The following CEP162 variants were observed in gnomAD, a reference collection of about 807,000 sequenced individuals.
CEP162 encodes the protein centrosomal protein 162.
In CEP162, 141 loss-of-function variants were observed where a neutral mutation model predicts 169.2. That is an observed-to-expected ratio of 0.83 (90% CI 0.73 to 0.96). The LOEUF is 0.96. Ranked by LOEUF, CEP162 falls within the 40% of genes least tolerant of loss-of-function variation. The pLI, the probability that CEP162 is intolerant of heterozygous loss-of-function variation, is 0.00. For missense variants in CEP162, 1,600 were observed against 1,587.2 expected (o/e 1.01, Z -0.14); for synonymous variants, 540 against 526.4 (o/e 1.03, Z -0.35).
In CEP162 at chr6:84,164,562, C is replaced by T. The variant is rs547844636; in HGVS notation, c.2386-1292G>A. On this transcript the variant is annotated intron_variant, in intron 18 of 26. Transcript: ENST00000403245. ...TCCTTTGCAGGGCCATGGATGAAGC[C>T]GGAAACCATCACTCTTAGCAAACTA... Among the ~76,000 whole-genome samples the T allele has an allele frequency of 1.3e-4, 20 of 152,176 alleles. No homozygotes were observed. The South Asian group carries it at 2.5e-3, about 19-fold the overall frequency.
At chr6:84,199,052 T>C (rs150790600) in intron 9 of CEP162, among the ~76,000 whole-genome samples, 3 of 152,386 alleles carry the variant, frequency 2.0e-5, no homozygotes, top group East Asian at 3.9e-4. Flanking sequence ...CTGGTCATCC[T>C]GAACACATGA....
chr6:84,193,701 G>T lies in CEP162; in HGVS notation c.1028-11C>A. 1 of 1,521,808 alleles carries T rather than the reference G, an allele frequency of 6.6e-7. No homozygotes were observed. Among genetic ancestry groups the T allele is most frequent in the Non-Finnish European group, 8.8e-7 (1 of 1,130,642 alleles). The allele number at this position is 1,521,808 out of a possible 1,614,324, so 94.3% of individuals were successfully genotyped here. On this transcript the variant is annotated splice_polypyrimidine_tract_variant and intron_variant, in intron 10 of 26. Coordinates refer to ENST00000403245, the MANE Select transcript of CEP162 (RefSeq NM_014895.4). ...CTACTGTGGGCAGATCTAAGAGGTG[G>T]AAAAAAAAGTAGAAACGAAAAATGT...
At chr6:84,225,646 A>C (rs1023204824) in intron 2 of CEP162, among the ~76,000 whole-genome samples, 1 of 152,210 alleles carries the variant, frequency 6.6e-6, no homozygotes, top group East Asian at 1.9e-4. Context: ...TAGAGTCATC[A>C]CATTACAGAC....
chr6:84,184,681 AG>A (rs954678013), intron 13 of CEP162, among the ~76,000 whole-genome samples: 3 of 151,966 alleles, frequency 2.0e-5, no homozygotes, highest in Non-Finnish European at 2.9e-5. Context: ...CAGGGGTCTC[AG>A]GCCTTGGCTT....
chr6:84,182,824 T>G (rs1314259977), intron 13 of CEP162, among the ~76,000 whole-genome samples: 1 of 152,158 alleles, frequency 6.6e-6, no homozygotes, highest in East Asian at 1.9e-4. Flanking sequence ...AAAGAAAAGA[T>G]GCCTTTAATT....
chr6:84,167,492 CCTG>C (rs1376452897), intron 18 of CEP162, among the ~76,000 whole-genome samples: 1 of 152,124 alleles, frequency 6.6e-6, no homozygotes, highest in African/African-American at 2.4e-5. Flanking sequence ...GCACCTCATG[CCTG>C]CTGATGGTGG....
At chr6:84,194,859 G>A (rs1239467304) in intron 10 of CEP162, 25 bp downstream of exon 10, 1 of 1,496,414 alleles carries the variant, frequency 6.7e-7, no homozygotes, top group East Asian at 2.3e-5. Context: ...TCAAATAATT[G>A]AAAAATTCAT....
At chr6:84,226,216 A>G (rs756707671) in intron 2 of CEP162, 121 bp downstream of exon 2, 3 of 689,490 alleles carry the variant, frequency 4.4e-6, no homozygotes, top group Non-Finnish European at 7.7e-6. Context: ...GGACAGGGCT[A>G]GAGGGATGAT....
intron 18 of CEP162, among the ~76,000 whole-genome samples, chr6:84,164,654 C>T (rs1421812376): frequency 6.6e-6 from 1 of 151,972 alleles, no homozygotes; most frequent in Non-Finnish European, 1.5e-5. Context: ...AATGAGAACA[C>T]ATGGACACAG....
rs150391335 is a variant in CEP162, at chr6:84,141,754, C to T, written c.3870+4933G>A. Among the ~76,000 whole-genome samples the T allele has an allele frequency of 3.0e-3, 457 of 152,306 alleles. 2 individuals are homozygous for T. Among genetic ancestry groups the T allele is most frequent in the African/African-American group, 0.01 (417 of 41,564 alleles). On this transcript the variant is annotated intron_variant, in intron 25 of 26. Transcript: ENST00000403245. The stretch of plus-strand genomic sequence containing the variant: ...CTGTCTCAGGGAACTGGCAGCCAGG[C>T]TGGCTTTGCTGTACCTACACTCCAC...
intron 25 of CEP162, among the ~76,000 whole-genome samples, chr6:84,145,987 G>A (rs1265181272): frequency 1.3e-5 from 2 of 152,020 alleles, no homozygotes; most frequent in Non-Finnish European, 2.9e-5. Flanking sequence ...TTTGATGAGA[G>A]CTCACCTGCA....
chr6:84,180,495 G>C (rs376749632), intron 13 of CEP162, among the ~76,000 whole-genome samples: 5 of 151,496 alleles, frequency 3.3e-5, no homozygotes, highest in Admixed American at 3.3e-4. Context: ...TTCTGGCCAG[G>C]GCAATCAGGC....
intron 18 of CEP162, among the ~76,000 whole-genome samples, chr6:84,164,909 C>T (rs1309687920): frequency 6.6e-6 from 1 of 152,084 alleles, no homozygotes; most frequent in Non-Finnish European, 1.5e-5. Context: ...CTGCTGGCTC[C>T]TTGCAGGGTT....
intron 2 of CEP162, among the ~76,000 whole-genome samples, chr6:84,225,044 G>T (rs1382709942): frequency 3.3e-5 from 5 of 152,114 alleles, no homozygotes; most frequent in Admixed American, 3.3e-4. Flanking sequence ...GACGGATAAT[G>T]AAGTTTTTTT....
chr6:84,170,046 T>G (rs1349461056), intron 17 of CEP162, among the ~76,000 whole-genome samples: 1 of 152,124 alleles, frequency 6.6e-6, no homozygotes. Flanking sequence ...AGATAAGATA[T>G]TTTAAAATAA....
At chr6:84,153,286 T>C (rs1309437731) in intron 22 of CEP162, 107 bp from the exon 23 acceptor site, 9 of 977,062 alleles carry the variant, frequency 9.2e-6, no homozygotes, top group South Asian at 1.9e-5. Context: ...CAGGTACTCA[T>C]TATACATTCT....
In CEP162 at chr6:84,203,967, AT is replaced by A; in HGVS notation, c.687+13del. ...AAGTTGCAAAACTGTCAAATATATA[AT>A]TGATATATATACCTGTTTGGGCACA... On this transcript the variant is annotated intron_variant, in intron 7 of 26. Coordinates refer to ENST00000403245, the MANE Select transcript of CEP162 (RefSeq NM_014895.4). 2 of 1,503,930 alleles carry A rather than the reference AT, an allele frequency of 1.3e-6. No homozygotes were observed. The highest frequency in any genetic ancestry group is 4.6e-5 in the East Asian group (2 of 43,680). The allele number at this position is 1,503,930 out of a possible 1,614,324, so 93.2% of individuals were successfully genotyped here. A position where few individuals can be genotyped will look rare whatever the true frequency, so the allele number is the denominator to read the frequency against.
chr6:84,135,498 G>T (rs1405585531), intron 25 of CEP162, among the ~76,000 whole-genome samples: 1 of 151,244 alleles, frequency 6.6e-6, no homozygotes, highest in Admixed American at 6.6e-5. Context: ...CTTACTTGTT[G>T]GTGAGTAATC....
chr6:84,170,456 T>TG (rs2099529676), intron 17 of CEP162, among the ~76,000 whole-genome samples: 1 of 149,022 alleles, frequency 6.7e-6, no homozygotes, highest in Admixed American at 6.7e-5. Flanking sequence ...ACACATGGCC[T>TG]GGGGTTACAC....
Sources: gnomAD v4.1 joint callset for allele counts (sites outside exome capture counted in the v4.1 genomes callset) on GRCh38, gnomAD v4.1.1 for gene constraint, MANE v1.5 for transcripts, NCBI Gene and HGNC (gene_info 2026-07-23, HGNC 2026-07-21) for gene names.